PRKG1: variants seen among roughly 807,000 people sequenced by gnomAD.
PRKG1 encodes the protein cGMP-dependent protein kinase 1.
In PRKG1, 35 loss-of-function variants were observed where a neutral mutation model predicts 88.1. That is an observed-to-expected ratio of 0.40 (90% CI 0.30 to 0.53). PRKG1 has a LOEUF of 0.53. Among genes scored for constraint, PRKG1 ranks in the 20% least tolerant of loss-of-function variants. PRKG1 has a pLI of 0.59. For missense variants in PRKG1, 540 were observed against 839.8 expected, an observed-to-expected ratio of 0.64 and a Z score of 4.41; for synonymous variants, 303 against 292.5, an observed-to-expected ratio of 1.04 and a Z score of -0.37.
chr10:51,517,058 A>G (rs1033071788), intron 3 of PRKG1, among the ~76,000 whole-genome samples: 1 of 152,202 alleles, frequency 6.6e-6, no homozygotes, highest in African/African-American at 2.4e-5. Context: ...CCTAGGTTCT[A>G]CAGCTAAAGC....
At chr10:51,447,878 A>G (rs1206098514) in intron 2 of PRKG1, among the ~76,000 whole-genome samples, 1 of 152,092 alleles carries the variant, frequency 6.6e-6, no homozygotes, top group Non-Finnish European at 1.5e-5. Context: ...TTCCCTTATC[A>G]TCTAGCACAT....
rs76959114 is a variant in PRKG1, at chr10:51,847,195, A to G, written c.698+42505A>G. On this transcript the variant is annotated intron_variant, in intron 4 of 17. Transcript: ENST00000373980. ...CCTAACTCTAACATTTTGTGTTTCT[A>G]ATTTCCAAAAGAATTTAGTCAATAT... Among the ~76,000 whole-genome samples, 489 of 152,302 alleles carry G rather than the reference A, an allele frequency of 3.2e-3. 4 individuals carry two copies. The highest frequency in any genetic ancestry group is 0.03 in the East Asian group (154 of 5,170).
At position 51,308,392 on chromosome 10, in the gene PRKG1, A is replaced by G. The variant is rs1192344089; in HGVS notation, c.478+155062A>G. ...AGTTTCCTTGTATGTTAATAGGCCTATTGATACTAACTACATTGCAGGGAT... is the reference window on the plus strand; with the variant it reads ...AGTTTCCTTGTATGTTAATAGGCCTGTTGATACTAACTACATTGCAGGGAT... On this transcript the variant is annotated intron_variant, in intron 2 of 17. Transcript: ENST00000373980. Among the ~76,000 whole-genome samples, 10 of 152,268 alleles carry G rather than the reference A, an allele frequency of 6.6e-5. No individual in the cohort carries two copies. In the East Asian group the frequency reaches 1.7e-3, roughly 26 times the overall value.
intron 13 of PRKG1, among the ~76,000 whole-genome samples, chr10:52,281,447 C>T (rs998146661): frequency 7.6e-5 from 5 of 66,122 alleles, no homozygotes; most frequent in Non-Finnish European, 1.2e-4. Context: ...TTTGTTGGAT[C>T]TGTTAACAGC....
chr10:51,364,169 C>T (rs993024854), intron 2 of PRKG1, among the ~76,000 whole-genome samples: 2 of 151,942 alleles, frequency 1.3e-5, no homozygotes, highest in Non-Finnish European at 2.9e-5. Context: ...TCACTCTTAG[C>T]TGGTTTCTCT....
At chr10:51,272,289 C>A (rs551053818) in intron 2 of PRKG1, among the ~76,000 whole-genome samples, 1 of 151,506 alleles carries the variant, frequency 6.6e-6, no homozygotes, top group South Asian at 2.1e-4. Flanking sequence ...ACCACATGTT[C>A]TCATTCATGT....
intron 5 of PRKG1, among the ~76,000 whole-genome samples, chr10:52,031,565 T>C (rs752167714): frequency 1.3e-5 from 2 of 152,346 alleles, no homozygotes; most frequent in Non-Finnish European, 1.5e-5. Flanking sequence ...TACACTGTCA[T>C]GAATATTAGT....
At position 52,121,918 on chromosome 10, in the gene PRKG1, T is replaced by C. The variant is rs560098690; in HGVS notation, c.936-11922T>C. On this transcript the variant is annotated intron_variant, in intron 7 of 17. Transcript: ENST00000373980. Reference sequence around the variant, plus strand: ...TGAAATTCTTTCAGCTTTTAGTCATTATTCCATTCCAAAGCTACTTCCACG... The same window carrying C: ...TGAAATTCTTTCAGCTTTTAGTCATCATTCCATTCCAAAGCTACTTCCACG... Among the ~76,000 whole-genome samples, 169 of 146,992 alleles carry C rather than the reference T, an allele frequency of 1.1e-3. 4 individuals carry two copies. In the South Asian group the frequency reaches 0.037, roughly 32 times the overall value.
chr10:51,879,556 T>A (rs1841384649), intron 4 of PRKG1, among the ~76,000 whole-genome samples: 1 of 152,230 alleles, frequency 6.6e-6, no homozygotes, highest in African/African-American at 2.4e-5. Flanking sequence ...GTTTTCTTTT[T>A]TACTCAAGTT....
At chr10:51,311,874 AT>A (rs574479940) in intron 2 of PRKG1, among the ~76,000 whole-genome samples, 2 of 150,428 alleles carry the variant, frequency 1.3e-5, no homozygotes, top group Admixed American at 6.6e-5. Context: ...TCTTTCTGTT[AT>A]TTTTTTTTCG....
chr10:52,183,867 T>C (rs533244483), intron 9 of PRKG1, among the ~76,000 whole-genome samples: 8 of 152,378 alleles, frequency 5.3e-5, no homozygotes, highest in African/African-American at 1.9e-4. Flanking sequence ...TGGGATTCTC[T>C]GTAATATGAA....
At chr10:51,722,236 A>T (rs1464690813) in intron 3 of PRKG1, among the ~76,000 whole-genome samples, 2 of 151,828 alleles carry the variant, frequency 1.3e-5, no homozygotes, top group East Asian at 3.9e-4. Context: ...CTCAAAAAAA[A>T]AAAAACAACA....
intron 5 of PRKG1, among the ~76,000 whole-genome samples, chr10:51,986,335 C>T (rs1320203666): frequency 6.6e-6 from 1 of 152,140 alleles, no homozygotes; most frequent in Non-Finnish European, 1.5e-5. Context: ...AATATCTCTT[C>T]TAAACCTCTA....
At chr10:51,463,736 T>G (rs1368615499) in intron 2 of PRKG1, among the ~76,000 whole-genome samples, 1 of 152,194 alleles carries the variant, frequency 6.6e-6, no homozygotes, top group Non-Finnish European at 1.5e-5. Context: ...CCTAGTAAAT[T>G]AGCTTAACCA....
chr10:51,268,955 G>T (rs1839906916), intron 2 of PRKG1, among the ~76,000 whole-genome samples: 1 of 152,176 alleles, frequency 6.6e-6, no homozygotes, highest in African/African-American at 2.4e-5. Context: ...CATGGCTTCA[G>T]CCGGTCCTTC....
At chr10:51,559,227 G>A (rs753708240) in intron 3 of PRKG1, among the ~76,000 whole-genome samples, 16 of 152,126 alleles carry the variant, frequency 1.1e-4, no homozygotes, top group Non-Finnish European at 1.8e-4. Context: ...GGAAAGCACA[G>A]CATGTATTAC....
intron 4 of PRKG1, among the ~76,000 whole-genome samples, chr10:51,869,051 G>A (rs568545226): frequency 8.6e-5 from 13 of 151,948 alleles, no homozygotes; most frequent in African/African-American, 1.4e-4. Context: ...TTTCTTTTAC[G>A]GACTGATTGT....
chr10:51,515,269 A>G (rs1423381251), intron 3 of PRKG1, among the ~76,000 whole-genome samples: 1 of 152,190 alleles, frequency 6.6e-6, no homozygotes, highest in South Asian at 2.1e-4. Context: ...AGACAATACC[A>G]TTTATAGTAC....
intron 1 of PRKG1, among the ~76,000 whole-genome samples, chr10:51,087,156 G>A (rs1329218457): frequency 6.6e-6 from 1 of 151,996 alleles, no homozygotes; most frequent in African/African-American, 2.4e-5. Context: ...AACTTCTCTT[G>A]CTCAAATTAG....
Sources: gnomAD v4.1 joint callset for allele counts (sites outside exome capture counted in the v4.1 genomes callset) on GRCh38, gnomAD v4.1.1 for gene constraint, MANE v1.5 for transcripts, NCBI Gene and HGNC (gene_info 2026-07-23, HGNC 2026-07-21) for gene names.